FUCA1: variants seen among roughly 807,000 people sequenced by gnomAD.
FUCA1 encodes tissue alpha-L-fucosidase.
A neutral mutation model predicts 56.8 loss-of-function variants in FUCA1; 52 were observed. That is an observed-to-expected ratio of 0.92 (90% CI 0.73 to 1.15). The LOEUF is 1.15. Ranked by LOEUF, FUCA1 falls within the 50% of genes most tolerant of loss-of-function variation. The pLI is 0.00. For missense variants in FUCA1, 568 were observed against 592.6 expected, an observed-to-expected ratio of 0.96 and a Z score of 0.43; for synonymous variants, 230 against 226.6, an observed-to-expected ratio of 1.02 and a Z score of -0.14.
intron 5 of FUCA1, among the ~76,000 whole-genome samples, chr1:23,849,917 TG>T (rs1417782711): frequency 6.6e-6 from 1 of 152,028 alleles, no homozygotes; most frequent in African/African-American, 2.4e-5. Context: ...GAGTGGGATT[TG>T]GGTGTGTGTG....
At chr1:23,852,078 G>GTAATAATAATAATAA (rs1410102992) in intron 5 of FUCA1, among the ~76,000 whole-genome samples, 47,408 of 144,672 alleles carry the variant, frequency 0.33, 7,919 homozygotes, top group East Asian at 0.41. Context: ...ATGTTAGAAG[G>GTAATAATAATAATAA]TAATAATAAT....
At chr1:23,854,662 T>A in intron 4 of FUCA1, 102 bp from the exon 5 acceptor site, 1 of 985,532 alleles carries the variant, frequency 1.0e-6, no homozygotes, top group Non-Finnish European at 1.6e-6. Context: ...AAACTTAGTC[T>A]AGAGCAGTGG....
chr1:23,862,672 G>A (rs756427272), intron 3 of FUCA1, among the ~76,000 whole-genome samples: 9 of 152,314 alleles, frequency 5.9e-5, no homozygotes, highest in Admixed American at 1.3e-4. Flanking sequence ...ACCAGGCACC[G>A]TGACAGATAC....
At chr1:23,858,302 C>CAA (rs1639436490) in intron 4 of FUCA1, among the ~76,000 whole-genome samples, 1 of 152,032 alleles carries the variant, frequency 6.6e-6, no homozygotes, top group Non-Finnish European at 1.5e-5. Context: ...CTCCTGACCT[C>CAA]GTGATCTGCC....
In FUCA1 at chr1:23,854,394, A is replaced by G; in HGVS notation, c.935T>C (p.Leu312Ser). The change falls in exon 5 of 8, where the codon TTG becomes TCG. Residue 312 changes from leucine to serine, a missense_variant. Physicochemically the swap from Leu to Ser is moderately radical, Grantham distance 145. Coordinates refer to ENST00000374479, the MANE Select transcript of FUCA1 (RefSeq NM_000147.5). The stretch of plus-strand genomic sequence containing the variant: ...TTCAGATTCTTCTGTAACATCAGAC[A>G]ATGCCATGTCACGACGATAGCCCCA... ...FSWGYRRDMA[L>S]SDVTEESEII... 6.2e-7 allele frequency: 1 copy of G among 1,614,116 alleles called. No individual in the cohort carries two copies. The highest frequency in any genetic ancestry group is 8.5e-7 in the Non-Finnish European group (1 of 1,180,016).
chr1:23,861,310 G>A (rs529541847), intron 3 of FUCA1, among the ~76,000 whole-genome samples: 20 of 114,288 alleles, frequency 1.7e-4, no homozygotes, highest in African/African-American at 3.5e-4. Context: ...GCGACGGAGC[G>A]AGACTCCGTC....
chr1:23,856,420 T>C (rs780223906), intron 4 of FUCA1, among the ~76,000 whole-genome samples: 2 of 152,214 alleles, frequency 1.3e-5, no homozygotes, highest in Non-Finnish European at 2.9e-5. Context: ...CTATGGATTG[T>C]GGAGACCTCA....
At chr1:23,862,817 C>T (rs12139061) in intron 3 of FUCA1, among the ~76,000 whole-genome samples, 4 of 152,172 alleles carry the variant, frequency 2.6e-5, no homozygotes, top group South Asian at 2.1e-4. Flanking sequence ...CAAATCTGCC[C>T]GATGCCAAAC....
chr1:23,864,000 T>C (rs1639566735), intron 2 of FUCA1, among the ~76,000 whole-genome samples: 1 of 152,082 alleles, frequency 6.6e-6, no homozygotes, highest in Non-Finnish European at 1.5e-5. Flanking sequence ...AAATAATCAT[T>C]AGTAACATTT....
chr1:23,854,680 C>T, intron 4 of FUCA1, 120 bp from the exon 5 acceptor site: 1 of 845,834 alleles, frequency 1.2e-6, no homozygotes, highest in Non-Finnish European at 2.0e-6. Flanking sequence ...TGGCTGTCAA[C>T]TGGGGGCAAT....
chr1:23,861,132 G>A (rs1639501776), intron 3 of FUCA1, among the ~76,000 whole-genome samples: 1 of 151,486 alleles, frequency 6.6e-6, no homozygotes, highest in Admixed American at 6.6e-5. Flanking sequence ...GACCATCCTA[G>A]CTAACACCGT....
chr1:23,863,133 C>A lies in FUCA1; in HGVS notation c.662+1G>T, dbSNP rs201143600. Reference sequence around the variant, plus strand: ...AGGGCCAAAATATTTCAGTGTCTTACCTGTTAACAAGGTCGTACAGCTCTG... The same window carrying A: ...AGGGCCAAAATATTTCAGTGTCTTAACTGTTAACAAGGTCGTACAGCTCTG... On this transcript the variant is annotated splice_donor_variant, in intron 3 of 7. Transcript: ENST00000374479. LOFTEE classifies it high-confidence loss of function. The A allele has an allele frequency of 6.2e-7, 1 of 1,613,762 alleles. No individual in the cohort carries two copies. The highest frequency in any genetic ancestry group is 1.3e-5 in the African/African-American group (1 of 75,022).
At chr1:23,854,587 T>G in intron 4 of FUCA1, 27 bp from the exon 5 acceptor site, 1 of 1,577,660 alleles carries the variant, frequency 6.3e-7, no homozygotes, top group African/African-American at 1.3e-5. Context: ...TATTTGGTCA[T>G]GAGGAGTAAA....
intron 4 of FUCA1, among the ~76,000 whole-genome samples, chr1:23,859,204 T>C (rs966178103): frequency 2.0e-5 from 3 of 152,188 alleles, no homozygotes; most frequent in African/African-American, 4.8e-5. Context: ...GGTCTGGGAA[T>C]TGTAATTACT....
intron 4 of FUCA1, among the ~76,000 whole-genome samples, chr1:23,856,808 T>C (rs979536705): frequency 3.5e-4 from 53 of 151,784 alleles, no homozygotes; most frequent in African/African-American, 1.2e-3. Context: ...CTGGCCAACA[T>C]GGTGAAACCC....
chr1:23,854,955 T>C (rs1298783564), intron 4 of FUCA1, among the ~76,000 whole-genome samples: 2 of 151,986 alleles, frequency 1.3e-5, no homozygotes, highest in African/African-American at 2.4e-5. Context: ...AGAGGAGAAA[T>C]GAACAGGAGA....
chr1:23,857,207 T>C (rs1639410041), intron 4 of FUCA1, among the ~76,000 whole-genome samples: 1 of 152,080 alleles, frequency 6.6e-6, no homozygotes, highest in African/African-American at 2.4e-5. Context: ...ACCCTGAACA[T>C]ATATACATAG....
chr1:23,854,917 G>C (rs1477010578), intron 4 of FUCA1, among the ~76,000 whole-genome samples: 2 of 152,172 alleles, frequency 1.3e-5, no homozygotes, highest in Non-Finnish European at 2.9e-5. Context: ...TTGCTTTAAA[G>C]ATCATCTGGT....
rs555344442 is a variant in FUCA1 at position 23,867,765 on chromosome 1, C to T, written c.389+133G>A. The T allele has an allele frequency of 1.3e-5, 19 of 1,426,138 alleles. No homozygotes were observed. The East Asian group carries it at 4.7e-4, about 36-fold the overall frequency. 88.3% of individuals were successfully genotyped at this position (1,426,138 alleles called of 1,614,324 possible). A position where few individuals can be genotyped will look rare whatever the true frequency, so the allele number is the denominator to read the frequency against. On this transcript the variant is annotated intron_variant, in intron 1 of 7. Transcript: ENST00000374479. The surrounding 1 kb of genome is among the most constrained non-coding windows in gnomAD (Gnocchi z 4.9). ...GGTGTGCCAGGCTCACTCCTGTGGC[C>T]GCAGGAGGCCACACGCGGGCCCCGG...
Sources: gnomAD v4.1 joint callset for allele counts (sites outside exome capture counted in the v4.1 genomes callset) on GRCh38, gnomAD v4.1.1 for gene constraint, Gnocchi (gnomAD v3.1) non-coding constraint, MANE v1.5 for transcripts, NCBI Gene and HGNC (gene_info 2026-07-23, HGNC 2026-07-21) for gene names.